KCNV1: variants seen among roughly 807,000 people sequenced by gnomAD.
The protein encoded by KCNV1 is potassium voltage-gated channel modifier subfamily V member 1.
Under a neutral mutation model 36.4 loss-of-function variants are expected in KCNV1, and 2 were observed. The ratio of observed to expected loss-of-function variants is 0.05; its 90% CI spans 0.02 to 0.17. The LOEUF (loss-of-function observed/expected upper bound fraction) is 0.17, where lower values mean the gene tolerates loss of function less well. KCNV1 is among the 10% of genes least tolerant of loss of function. The pLI is 1.00. For synonymous variants in KCNV1, 280 were observed against 261.1 expected (o/e 1.07, Z -0.70); for missense variants, 321 against 643.6 (o/e 0.50, Z 5.42).
chr8:109,975,264 T>G (rs1036743026), intron 1 of KCNV1, 72 bp from the exon 2 acceptor site: 1 of 151,994 alleles, frequency 6.6e-6, no homozygotes, highest in Non-Finnish European at 1.5e-5. Flanking sequence ...GAACTAGGAG[T>G]GTCACTGTCA....
In KCNV1 at chr8:109,974,405, G is replaced by A. The variant is rs1455854539; in HGVS notation, c.-17C>T. 2.8e-6 allele frequency: 4 copies of A among 1,446,878 alleles called. No individual in the cohort carries two copies. Among genetic ancestry groups the A allele is most frequent in the Non-Finnish European group, 3.6e-6 (4 of 1,101,924 alleles). The allele number at this position is 1,446,878 out of a possible 1,614,324, so 89.6% of individuals were successfully genotyped here. A position where few individuals can be genotyped will look rare whatever the true frequency, so the allele number is the denominator to read the frequency against. On this transcript the variant is annotated 5_prime_UTR_variant, in exon 2 of 4. Transcript: ENST00000524391. This position sits in a 1 kb window ranked among gnomAD's most constrained non-coding sequence, Gnocchi z 6.2. ...GGAAGGCATCTCTAACCCAGTCGCC[G>A]CGGCCTGAGGGCGCCACAAAGTTGG... is the stretch of plus-strand genomic sequence containing the variant.
intron 2 of KCNV1, 62 bp downstream of exon 2, chr8:109,973,866 C>A: frequency 8.1e-7 from 1 of 1,234,334 alleles, no homozygotes; most frequent in Non-Finnish European, 1.1e-6. Context: ...TCTACCTGTG[C>A]CTTCCTCTCT....
At chr8:109,970,848 G>A (rs1201086463) in intron 3 of KCNV1, among the ~76,000 whole-genome samples, 7 of 152,126 alleles carry the variant, frequency 4.6e-5, no homozygotes, top group African/African-American at 1.4e-4. Flanking sequence ...CTTGTGAAGA[G>A]TTTATAAATA....
Position 109,968,380 on chromosome 8 carries a change from G to A in KCNV1, c.1211C>T (p.Thr404Ile). Residue 404 changes from threonine (T) to isoleucine (I), a missense_variant, in exon 4 of 4, where the codon ACA (threonine) becomes ATA (isoleucine). Physicochemically the swap from Thr to Ile is moderately conservative, Grantham distance 89 (BLOSUM62 -1). Coordinates refer to ENST00000524391, the MANE Select transcript of KCNV1 (RefSeq NM_014379.4). This position sits in a 1 kb window ranked among gnomAD's most constrained non-coding sequence, Gnocchi z 5.3. Reference protein sequence around the residue: ...GYGDIRPDTTTGKIVAFMCIL... With the variant: ...GYGDIRPDTTIGKIVAFMCIL... ...ACACATGAAGGCCACGATTTTGCCT[G>A]TGGTGGTGTCTGGTCTAATGTCCCC... 6.2e-7 allele frequency: 1 copy of A among 1,614,228 alleles called. No homozygotes were observed.
rs558320265 is a variant in KCNV1, at chr8:109,972,444, G to A, written c.805C>T (p.Arg269Cys). The A allele has an allele frequency of 7.6e-5, 123 of 1,613,954 alleles. No individual in the cohort carries two copies. In the Admixed American group the frequency reaches 7.7e-4, roughly 10 times the overall value. ...ATGTTTGGCACCTTTCTTAGGAAGC[G>A]ACACCTGTCCCGCACACACAGGAAG... ...LRFLCVRDRC[R>C]FLRKVPNIID... Residue 269 changes from arginine to cysteine, a missense_variant, in exon 3 of 4, where the codon CGC becomes TGC. Physicochemically the swap from Arg to Cys is radical, Grantham distance 180. Transcript: ENST00000524391. This position sits in a 1 kb window ranked among gnomAD's most constrained non-coding sequence, Gnocchi z 5.2.
At position 109,974,492 on chromosome 8, in the gene KCNV1, T is replaced by G. The variant is rs544471606; in HGVS notation, c.-104A>C. 64 of 811,006 alleles carry G rather than the reference T, an allele frequency of 7.9e-5. 1 individual carries two copies. Among genetic ancestry groups the G allele is most frequent in the South Asian group, 7.2e-4 (39 of 54,512 alleles). 50.2% of individuals were successfully genotyped at this position (811,006 alleles called of 1,614,324 possible). ...GCACGGCCCCTGGTGGCGGCCGGGA[T>G]TCCCCGGGCTCCCGAAGGGGTTACC... On this transcript the variant is annotated 5_prime_UTR_variant, in exon 2 of 4. Transcript: ENST00000524391. The surrounding 1 kb of genome is among the most constrained non-coding windows in gnomAD (Gnocchi z 6.2).
chr8:109,972,489 T>C lies in KCNV1; in HGVS notation c.760A>G (p.Thr254Ala), dbSNP rs1820024179. 6.2e-7 allele frequency: 1 copy of C among 1,614,050 alleles called. No homozygotes were observed. The highest frequency in any genetic ancestry group is 1.7e-5 in the Admixed American group (1 of 60,008). Residue 254 changes from threonine (T) to alanine (A), a missense_variant, in exon 3 of 4, where the codon ACC becomes GCC. Coordinates refer to ENST00000524391, the MANE Select transcript of KCNV1 (RefSeq NM_014379.4). This position sits in a 1 kb window ranked among gnomAD's most constrained non-coding sequence, Gnocchi z 5.2. ...ILEYVCISWFTGEFVLRFLCV... is the reference protein window; with the variant it reads ...ILEYVCISWFAGEFVLRFLCV... Reference sequence around the variant, plus strand: ...AGGAAGCGGAGGACAAACTCCCCGGTGAACCAGCTAATGCACACATACTCC... The same window carrying C: ...AGGAAGCGGAGGACAAACTCCCCGGCGAACCAGCTAATGCACACATACTCC...
rs916932430 is a variant in KCNV1 at position 109,964,448 on chromosome 8, A to C, written c.*3640T>G. 8 of 152,328 alleles carry C rather than the reference A, an allele frequency of 5.3e-5. No homozygotes were observed. The East Asian group carries it at 1.3e-3, about 26-fold the overall frequency. 9.4% of individuals were successfully genotyped at this position (152,328 alleles called of 1,614,324 possible). A position where few individuals can be genotyped will look rare whatever the true frequency, so the allele number is the denominator to read the frequency against. On this transcript the variant is annotated 3_prime_UTR_variant, in exon 4 of 4. Coordinates refer to ENST00000524391, the MANE Select transcript of KCNV1 (RefSeq NM_014379.4). ...ATGTGAGAGTGTGGCAATTCCTCAA[A>C]GACCTAAAAACAGAAATACCACTGG...
In KCNV1 at chr8:109,964,926, A is replaced by G. The variant is rs185276343; in HGVS notation, c.*3162T>C. On this transcript the variant is annotated 3_prime_UTR_variant, in exon 4 of 4. Coordinates refer to ENST00000524391, the MANE Select transcript of KCNV1 (RefSeq NM_014379.4). ...CCTGGGTGATGAAATAATCCGTGCA[A>G]AAAAACTCTCATGACACAAGATTAC... 1 of 152,336 alleles carries G rather than the reference A, an allele frequency of 6.6e-6. No homozygotes were observed. Among genetic ancestry groups the G allele is most frequent in the Non-Finnish European group, 1.5e-5 (1 of 68,040 alleles). The allele number at this position is 152,336 out of a possible 1,614,324, so 9.4% of individuals were successfully genotyped here.
chr8:109,971,739 T>C (rs1462504216), intron 3 of KCNV1, among the ~76,000 whole-genome samples: 2 of 152,048 alleles, frequency 1.3e-5, no homozygotes, highest in Non-Finnish European at 2.9e-5. Context: ...TTGAAAATTT[T>C]GGAAAGGCCA....
Position 109,967,972 on chromosome 8 carries a change from TA to T in KCNV1, c.*115del, listed in dbSNP as rs1274520426. On this transcript the variant is annotated 3_prime_UTR_variant, in exon 4 of 4. Transcript: ENST00000524391. ...GATGAAGCAATATATCAGCAAAAATTAATTAAGATGAGCAGTACTCTGAAGA... is the reference window on the plus strand; with the variant it reads ...GATGAAGCAATATATCAGCAAAAATTATTAAGATGAGCAGTACTCTGAAGA... 2.0e-6 allele frequency: 2 copies of T among 1,013,674 alleles called. No individual in the cohort carries two copies. Among genetic ancestry groups the T allele is most frequent in the Non-Finnish European group, 2.8e-6 (2 of 706,566 alleles). 62.8% of individuals were successfully genotyped at this position (1,013,674 alleles called of 1,614,324 possible).
chr8:109,973,234 G>A (rs1163237187), intron 2 of KCNV1, among the ~76,000 whole-genome samples: 2 of 152,064 alleles, frequency 1.3e-5, no homozygotes, highest in African/African-American at 4.8e-5. Flanking sequence ...CACCCGCCTC[G>A]GCCTCCCAAA....
intron 2 of KCNV1, among the ~76,000 whole-genome samples, chr8:109,973,337 C>T (rs943852077): frequency 6.6e-6 from 1 of 152,164 alleles, no homozygotes; most frequent in Non-Finnish European, 1.5e-5. Context: ...CATAGTAAAG[C>T]TACTTTGGAT....
rs2130895093 is a variant in KCNV1 at position 109,967,482 on chromosome 8, T to C, written c.*606A>G. 6.6e-6 allele frequency: 1 copy of C among 152,596 alleles called. No individual in the cohort carries two copies. The highest frequency in any genetic ancestry group is 1.9e-4 in the East Asian group (1 of 5,190). 9.5% of individuals were successfully genotyped at this position (152,596 alleles called of 1,614,324 possible). A position where few individuals can be genotyped will look rare whatever the true frequency, so the allele number is the denominator to read the frequency against. ...GTTTTGGGATTCCCACCTCTTATAG[T>C]AATAATGGGATACAGAGATCAGTTC... On this transcript the variant is annotated 3_prime_UTR_variant, in exon 4 of 4. Transcript: ENST00000524391.
At position 109,965,633 on chromosome 8, in the gene KCNV1, T is replaced by C. The variant is rs1212109486; in HGVS notation, c.*2455A>G. ...ACACATAGTTTTTAATTTTTTTTAT[T>C]TCCAACTACTATTTACTCTAAAGAT... is the stretch of plus-strand genomic sequence containing the variant. On this transcript the variant is annotated 3_prime_UTR_variant, in exon 4 of 4. Transcript: ENST00000524391. The C allele has an allele frequency of 1.3e-5, 2 of 152,172 alleles. No homozygotes were observed. The highest frequency in any genetic ancestry group is 2.9e-5 in the Non-Finnish European group (2 of 68,030). The allele number at this position is 152,172 out of a possible 1,614,324, so 9.4% of individuals were successfully genotyped here.
At chr8:109,971,650 G>A (rs556986640) in intron 3 of KCNV1, among the ~76,000 whole-genome samples, 1 of 151,882 alleles carries the variant, frequency 6.6e-6, no homozygotes, top group Non-Finnish European at 1.5e-5. Context: ...TTAGGGACAA[G>A]AAAACCTTCA....
rs1819963765 is a variant in KCNV1, at chr8:109,967,968, AAATT to A, written c.*116_*119del. 11 of 994,220 alleles carry A rather than the reference AAATT, an allele frequency of 1.1e-5. No homozygotes were observed. Among genetic ancestry groups the A allele is most frequent in the Middle Eastern group, 2.8e-4 (1 of 3,626 alleles). 61.6% of individuals were successfully genotyped at this position (994,220 alleles called of 1,614,324 possible). Reference sequence around the variant, plus strand: ...AGTAGATGAAGCAATATATCAGCAAAAATTAATTAAGATGAGCAGTACTCTGAAG... The same window carrying A: ...AGTAGATGAAGCAATATATCAGCAAAAATTAAGATGAGCAGTACTCTGAAG... On this transcript the variant is annotated 3_prime_UTR_variant, in exon 4 of 4. Transcript: ENST00000524391.
chr8:109,971,043 T>G (rs767238392), intron 3 of KCNV1, among the ~76,000 whole-genome samples: 3 of 152,198 alleles, frequency 2.0e-5, no homozygotes, highest in Non-Finnish European at 4.4e-5. Context: ...AGAAGTAATT[T>G]CACCTGACAT....
chr8:109,966,834 T>C lies in KCNV1; in HGVS notation c.*1254A>G, dbSNP rs1258460373. 6.6e-6 allele frequency: 1 copy of C among 152,184 alleles called. No individual in the cohort carries two copies. Among genetic ancestry groups the C allele is most frequent in the African/African-American group, 2.4e-5 (1 of 41,460 alleles). The allele number at this position is 152,184 out of a possible 1,614,324, so 9.4% of individuals were successfully genotyped here. ...ACCACAGATATACTCAATATGCTTATCTGTGTTTTGTAAATGAAGTGATAA... is the reference window on the plus strand; with the variant it reads ...ACCACAGATATACTCAATATGCTTACCTGTGTTTTGTAAATGAAGTGATAA... On this transcript the variant is annotated 3_prime_UTR_variant, in exon 4 of 4. Transcript: ENST00000524391.
Sources: allele counts gnomAD v4.1 joint callset (sites outside exome capture counted in the v4.1 genomes callset), GRCh38; gene constraint gnomAD v4.1.1; non-coding constraint Gnocchi (gnomAD v3.1); transcripts MANE v1.5; gene names NCBI Gene and HGNC (gene_info 2026-07-23, HGNC 2026-07-21).